The following ATG7 variants were observed in gnomAD, a reference collection of about 807,000 sequenced individuals.
ATG7 encodes the protein ubiquitin-like modifier-activating enzyme ATG7.
A neutral mutation model predicts 82.4 loss-of-function variants in ATG7; 70 were observed. The observed-to-expected ratio is 0.85, with a 90% CI of 0.70 to 1.04. ATG7 has a LOEUF of 1.04. Ranked by LOEUF, ATG7 falls within the 50% of genes least tolerant of loss-of-function variation. The pLI, the probability that ATG7 is intolerant of heterozygous loss-of-function variation, is 0.00. For synonymous variants in ATG7, 287 were observed against 313.0 expected (o/e 0.92, Z 0.88); for missense variants, 792 against 864.3 (o/e 0.92, Z 1.05).
rs2075848181 is a variant in ATG7, at chr3:11,355,160, T to C, written c.1285-3258T>C. The stretch of plus-strand genomic sequence containing the variant: ...CTCGTCAGACCAGGCAAAAACACAC[T>C]ACCAGAGAGCTATGAGCAGAATGGA... On this transcript the variant is annotated intron_variant, in intron 14 of 20. Transcript: ENST00000693202. 2.0e-5 allele frequency among the ~76,000 whole-genome samples: 3 copies of C among 152,150 alleles called. No individual in the cohort carries two copies. In the South Asian group the frequency reaches 6.2e-4, roughly 32 times the overall value.
intron 5 of ATG7, among the ~76,000 whole-genome samples, chr3:11,303,334 T>C (rs1027498301): frequency 3.3e-5 from 5 of 152,162 alleles, no homozygotes; most frequent in Admixed American, 1.3e-4. Flanking sequence ...GGAAAATAGA[T>C]TTTGATTGAC....
intron 20 of ATG7, among the ~76,000 whole-genome samples, chr3:11,489,208 T>G (rs894392859): frequency 6.6e-6 from 1 of 152,248 alleles, no homozygotes; most frequent in African/African-American, 2.4e-5. Context: ...CACTGCTCTC[T>G]TCAAAGCTGT....
At chr3:11,551,173 G>C (rs71316492) in intron 20 of ATG7, among the ~76,000 whole-genome samples, 1 of 152,196 alleles carries the variant, frequency 6.6e-6, no homozygotes, top group African/African-American at 2.4e-5. Flanking sequence ...TGTCCTGCGG[G>C]CCGTCTGAGT....
intron 20 of ATG7, among the ~76,000 whole-genome samples, chr3:11,504,097 C>T (rs1331316378): frequency 6.6e-6 from 1 of 152,172 alleles, no homozygotes; most frequent in African/African-American, 2.4e-5. Context: ...ACTAGACCAA[C>T]ACTAAGGTTC....
chr3:11,520,652 A>T (rs13081426), intron 20 of ATG7, among the ~76,000 whole-genome samples: 1 of 152,162 alleles, frequency 6.6e-6, no homozygotes, highest in South Asian at 2.1e-4. Flanking sequence ...CACATTCTAC[A>T]CTTCTGAGCT....
intron 20 of ATG7, among the ~76,000 whole-genome samples, chr3:11,465,635 C>T (rs930930519): frequency 6.6e-6 from 1 of 151,688 alleles, no homozygotes; most frequent in African/African-American, 2.4e-5. Flanking sequence ...CGTGGTGGCA[C>T]ACACCTGTAG....
At chr3:11,277,081 G>A (rs1941973555) in intron 1 of ATG7, 1 of 152,170 alleles carries the variant, frequency 6.6e-6, no homozygotes, top group African/African-American at 2.4e-5. Context: ...GTAGTCATCA[G>A]AGTTCTATAG....
Position 11,515,491 on chromosome 3 carries a change from A to G in ATG7, c.2080-39320A>G, listed in dbSNP as rs192600175. ...GCAAATTTTTGTATTTTTAGTAGAG[A>G]CGGGGTTTTGCTGTGTTGGCCAGGC... On this transcript the variant is annotated intron_variant, in intron 20 of 20. Coordinates refer to ENST00000693202, the MANE Select transcript of ATG7 (RefSeq NM_001349232.2). Among the ~76,000 whole-genome samples the G allele has an allele frequency of 1.8e-3, 270 of 152,018 alleles. 1 individual carries two copies. The highest frequency in any genetic ancestry group is 6.1e-3 in the African/African-American group (251 of 41,480).
At chr3:11,470,450 G>C (rs2087364861) in intron 20 of ATG7, among the ~76,000 whole-genome samples, 1 of 152,180 alleles carries the variant, frequency 6.6e-6, no homozygotes, top group Non-Finnish European at 1.5e-5. Flanking sequence ...CACAAATGTG[G>C]ATTTTGTAAT....
chr3:11,468,879 G>A (rs529463271), intron 20 of ATG7, among the ~76,000 whole-genome samples: 2 of 152,232 alleles, frequency 1.3e-5, no homozygotes, highest in Non-Finnish European at 2.9e-5. Context: ...TGGACCTAAT[G>A]TATTTTTGTA....
intron 1 of ATG7, among the ~76,000 whole-genome samples, chr3:11,278,142 A>G (rs911077596): frequency 3.3e-5 from 5 of 152,150 alleles, no homozygotes; most frequent in African/African-American, 1.2e-4. Context: ...TATTGTTTAA[A>G]CACACATGTT....
intron 20 of ATG7, among the ~76,000 whole-genome samples, chr3:11,533,550 A>C (rs1453480993): frequency 6.6e-6 from 1 of 151,572 alleles, no homozygotes; most frequent in Non-Finnish European, 1.5e-5. Flanking sequence ...AAAAAAAAAA[A>C]AAAAAAGCCA....
At chr3:11,541,780 C>T (rs6779007) in intron 20 of ATG7, among the ~76,000 whole-genome samples, 35,063 of 152,130 alleles carry the variant, frequency 0.23, 4,521 homozygotes, top group African/African-American at 0.32. Flanking sequence ...TGTAAAAGTG[C>T]CTGCCTTTTT....
Position 11,537,841 on chromosome 3 carries a change from T to C in ATG7, c.2080-16970T>C, listed in dbSNP as rs1486089089. ...ATTTTCCTGCGGGGAAACTGAGTCC[T>C]GAGAAACGAGCTAGCCCACAGAGAG... On this transcript the variant is annotated intron_variant, in intron 20 of 20. Transcript: ENST00000693202. Among the ~76,000 whole-genome samples the C allele has an allele frequency of 2.6e-5, 4 of 152,172 alleles. No homozygotes were observed. In the East Asian group the frequency reaches 7.7e-4, roughly 29 times the overall value.
At chr3:11,417,220 G>A (rs140463248) in intron 19 of ATG7, among the ~76,000 whole-genome samples, 82 of 152,262 alleles carry the variant, frequency 5.4e-4, no homozygotes, top group African/African-American at 1.5e-3. Flanking sequence ...GTTCAAGTGC[G>A]TCCTTTTTAA....
At chr3:11,526,211 C>T (rs1276609767) in intron 20 of ATG7, among the ~76,000 whole-genome samples, 13 of 151,866 alleles carry the variant, frequency 8.6e-5, no homozygotes, top group African/African-American at 2.2e-4. Flanking sequence ...GGCAACATGG[C>T]GAGACCCCAT....
Position 11,298,727 on chromosome 3 carries a change from C to A in ATG7, c.32C>A (p.Ser11Tyr), listed in dbSNP as rs145078554. 5.1e-5 allele frequency: 82 copies of A among 1,614,084 alleles called. No homozygotes were observed. Among genetic ancestry groups the A allele is most frequent in the Non-Finnish European group, 6.8e-5 (80 of 1,180,046 alleles). Residue 11 changes from serine to tyrosine, a missense_variant, in exon 4 of 21, where the codon TCT (serine) becomes TAT (tyrosine). Coordinates refer to ENST00000693202, the MANE Select transcript of ATG7 (RefSeq NM_001349232.2). MAAATGDPGL[S>Y]KLQFAPFSSA... ...GCAGCTACGGGGGATCCTGGACTCTCTAAACTGCAGTTTGCCCCTTTTAGT... is the reference window on the plus strand; with the variant it reads ...GCAGCTACGGGGGATCCTGGACTCTATAAACTGCAGTTTGCCCCTTTTAGT...
intron 20 of ATG7, among the ~76,000 whole-genome samples, chr3:11,495,557 G>T (rs995804225): frequency 6.6e-6 from 1 of 152,174 alleles, no homozygotes; most frequent in African/African-American, 2.4e-5. Flanking sequence ...CCAGAAGGGT[G>T]CAGGCAGTTT....
intron 12 of ATG7, among the ~76,000 whole-genome samples, chr3:11,341,079 G>A (rs557388869): frequency 1.4e-3 from 84 of 60,630 alleles, no homozygotes; most frequent in Admixed American, 0.014. Flanking sequence ...CCCCCACCCC[G>A]CCCCAGACAG....
Sources: allele counts gnomAD v4.1 joint callset (sites outside exome capture counted in the v4.1 genomes callset), GRCh38; gene constraint gnomAD v4.1.1; transcripts MANE v1.5; gene names NCBI Gene and HGNC (gene_info 2026-07-23, HGNC 2026-07-21).